ASB13: variants seen among roughly 807,000 people sequenced by gnomAD.
ASB13 encodes the protein ankyrin repeat and SOCS box containing 13.
Under a neutral mutation model 28.8 loss-of-function variants are expected in ASB13, and 33 were observed. That is an observed-to-expected ratio of 1.15 (90% CI 0.87 to 1.53). The LOEUF (loss-of-function observed/expected upper bound fraction) is 1.53. ASB13 is among the 40% of genes most tolerant of loss of function. The pLI, the probability that ASB13 is intolerant of heterozygous loss-of-function variation, is 0.00. For missense variants in ASB13, 414 were observed against 390.1 expected, an observed-to-expected ratio of 1.06 and a Z score of -0.52; for synonymous variants, 182 against 172.9, an observed-to-expected ratio of 1.05 and a Z score of -0.41.
Position 5,664,581 on chromosome 10 carries a change from G to A in ASB13, c.43+1928C>T, listed in dbSNP as rs994510563. On this transcript the variant is annotated intron_variant, in intron 1 of 5. Transcript: ENST00000357700. This position sits in a 1 kb window ranked among gnomAD's most constrained non-coding sequence, Gnocchi z 4.2. The stretch of plus-strand genomic sequence containing the variant: ...CAATTCTACTGGAGGACCCTGGGGG[G>A]AACGTACGGGGGAGTGGGGGAGCAG... Among the ~76,000 whole-genome samples, 5 of 152,124 alleles carry A rather than the reference G, an allele frequency of 3.3e-5. No homozygotes were observed. Among genetic ancestry groups the A allele is most frequent in the Non-Finnish European group, 7.3e-5 (5 of 68,030 alleles).
Position 5,642,504 on chromosome 10 carries a change from A to T in ASB13, c.518-543T>A, listed in dbSNP as rs1046172779. 8.2e-7 allele frequency: 1 copy of T among 1,223,578 alleles called. No individual in the cohort carries two copies. The highest frequency in any genetic ancestry group is 1.0e-6 in the Non-Finnish European group (1 of 966,078). 75.8% of individuals were successfully genotyped at this position (1,223,578 alleles called of 1,614,324 possible). A position where few individuals can be genotyped will look rare whatever the true frequency, so the allele number is the denominator to read the frequency against. On this transcript the variant is annotated intron_variant, in intron 4 of 5. Coordinates refer to ENST00000357700, the MANE Select transcript of ASB13 (RefSeq NM_024701.4). The surrounding 1 kb of genome is among the most constrained non-coding windows in gnomAD (Gnocchi z 4.1). ...CAGTAGGCAATTCAGAGAAGAGAGT[A>T]AGCTCTGCACTCCTCAACTTTCTCA...
At position 5,641,792 on chromosome 10, in the gene ASB13, G is replaced by T; in HGVS notation, c.687C>A (p.Ala229=). 1 of 1,603,354 alleles carries T rather than the reference G, an allele frequency of 6.2e-7. No homozygotes were observed. Among genetic ancestry groups the T allele is most frequent in the South Asian group, 1.1e-5 (1 of 89,234 alleles). Residue 229 remains alanine, a synonymous_variant, in exon 5 of 6, where the codon GCC becomes GCA. Transcript: ENST00000357700. This position sits in a 1 kb window ranked among gnomAD's most constrained non-coding sequence, Gnocchi z 8.4. ...SDYTWSSSAP[A]KCFEYYEKTP... ...CACTTTCGTAGTACTCGAAGCACTT[G>T]GCGGGAGCGCTGCTGCTCCACGTGT...
intron 4 of ASB13, among the ~76,000 whole-genome samples, chr10:5,647,575 C>T (rs978634798): frequency 2.6e-5 from 4 of 152,190 alleles, no homozygotes; most frequent in Non-Finnish European, 5.9e-5. Context: ...ATCCCCTTCT[C>T]TCTTGGATTC....
At position 5,641,806 on chromosome 10, in the gene ASB13, T is replaced by G; in HGVS notation, c.673A>C (p.Ser225Arg). 1 of 1,610,158 alleles carries G rather than the reference T, an allele frequency of 6.2e-7. No homozygotes were observed. Residue 225 changes from serine (S) to arginine (R), a missense_variant, in exon 5 of 6, where the codon AGC becomes CGC. Coordinates refer to ENST00000357700, the MANE Select transcript of ASB13 (RefSeq NM_024701.4). This position sits in a 1 kb window ranked among gnomAD's most constrained non-coding sequence, Gnocchi z 8.4. The part of the protein sequence containing the change: ...GKKPSDYTWS[S>R]SAPAKCFEYY... The stretch of plus-strand genomic sequence containing the variant: ...TCGAAGCACTTGGCGGGAGCGCTGC[T>G]GCTCCACGTGTAGTCAGACGGCTTC...
Position 5,641,984 on chromosome 10 carries a change from A to T in ASB13, c.518-23T>A. The T allele has an allele frequency of 3.2e-6, 5 of 1,586,170 alleles. No individual in the cohort carries two copies. The highest frequency in any genetic ancestry group is 4.3e-6 in the Non-Finnish European group (5 of 1,157,382). ...CCCCTGGAGGTCAAGAGTGCAGAAG[A>T]GATTTCACCAAGAAGAGAACTTGAA... On this transcript the variant is annotated intron_variant, in intron 4 of 5. Coordinates refer to ENST00000357700, the MANE Select transcript of ASB13 (RefSeq NM_024701.4). The surrounding 1 kb of genome is among the most constrained non-coding windows in gnomAD (Gnocchi z 8.4).
At chr10:5,648,613 CG>C (rs1444451631) in intron 4 of ASB13, among the ~76,000 whole-genome samples, 1 of 151,158 alleles carries the variant, frequency 6.6e-6, no homozygotes, top group Non-Finnish European at 1.5e-5. Context: ...TAAACACCCA[CG>C]GGGGTAAACA....
rs951721507 is a variant in ASB13 at position 5,641,264 on chromosome 10, C to T, written c.710-434G>A. ...TTACAGGCACCCACCACCATGCCCG[C>T]CTAATTTTTATATTTTTAGTAGAGA... On this transcript the variant is annotated intron_variant, in intron 5 of 5. Coordinates refer to ENST00000357700, the MANE Select transcript of ASB13 (RefSeq NM_024701.4). The surrounding 1 kb of genome is among the most constrained non-coding windows in gnomAD (Gnocchi z 8.4). Among the ~76,000 whole-genome samples, 3 of 151,956 alleles carry T rather than the reference C, an allele frequency of 2.0e-5. No individual in the cohort carries two copies. Among genetic ancestry groups the T allele is most frequent in the Non-Finnish European group, 4.4e-5 (3 of 68,002 alleles).
chr10:5,641,269 T>C lies in ASB13; in HGVS notation c.710-439A>G, dbSNP rs1005719840. Among the ~76,000 whole-genome samples, 1 of 151,964 alleles carries C rather than the reference T, an allele frequency of 6.6e-6. No homozygotes were observed. Among genetic ancestry groups the C allele is most frequent in the East Asian group, 1.9e-4 (1 of 5,184 alleles). On this transcript the variant is annotated intron_variant, in intron 5 of 5. Coordinates refer to ENST00000357700, the MANE Select transcript of ASB13 (RefSeq NM_024701.4). The surrounding 1 kb of genome is among the most constrained non-coding windows in gnomAD (Gnocchi z 8.4). ...GGCACCCACCACCATGCCCGCCTAA[T>C]TTTTATATTTTTAGTAGAGATGGGG... is the stretch of plus-strand genomic sequence containing the variant.
chr10:5,648,275 C>T (rs1377134419), intron 4 of ASB13, among the ~76,000 whole-genome samples: 1 of 151,132 alleles, frequency 6.6e-6, no homozygotes, highest in Non-Finnish European at 1.5e-5. Context: ...AGGTAAACAC[C>T]CACGTGGGCA....
At chr10:5,654,566 G>A (rs187894592) in intron 1 of ASB13, among the ~76,000 whole-genome samples, 5 of 152,268 alleles carry the variant, frequency 3.3e-5, no homozygotes, top group South Asian at 2.1e-4. Context: ...AACCACGCAC[G>A]TGTTTTCTCA....
chr10:5,651,172 C>A lies in ASB13; in HGVS notation c.382+41G>T, dbSNP rs1834977303. 2 of 1,559,066 alleles carry A rather than the reference C, an allele frequency of 1.3e-6. No homozygotes were observed. The highest frequency in any genetic ancestry group is 1.7e-6 in the Non-Finnish European group (2 of 1,152,780). ...TTTAATCCCAGAAAGGAGGAAACTT[C>A]CAGAGCCCAGCTGGGCCAGCCCAGC... On this transcript the variant is annotated intron_variant, in intron 3 of 5. Coordinates refer to ENST00000357700, the MANE Select transcript of ASB13 (RefSeq NM_024701.4). The surrounding 1 kb of genome is among the most constrained non-coding windows in gnomAD (Gnocchi z 5.1).
Position 5,662,576 on chromosome 10 carries a change from G to C in ASB13, c.43+3933C>G, listed in dbSNP as rs1468773468. 1.2e-3 allele frequency among the ~76,000 whole-genome samples: 103 copies of C among 84,662 alleles called. 1 individual carries two copies. Among genetic ancestry groups the C allele is most frequent in the Admixed American group, 1.7e-3 (13 of 7,876 alleles). The allele number at this position is 84,662 out of a possible 152,430, so 55.5% of individuals were successfully genotyped here. ...GAGGGGAGGGGAGGGGAGAAGAGAA[G>C]AGAAGAGAAGAGAAGAGAAGAGAAG... On this transcript the variant is annotated intron_variant, in intron 1 of 5. Transcript: ENST00000357700.
At position 5,664,203 on chromosome 10, in the gene ASB13, A is replaced by G. The variant is rs1247466022; in HGVS notation, c.43+2306T>C. Among the ~76,000 whole-genome samples, 1 of 152,054 alleles carries G rather than the reference A, an allele frequency of 6.6e-6. No homozygotes were observed. The highest frequency in any genetic ancestry group is 1.5e-5 in the Non-Finnish European group (1 of 68,006). On this transcript the variant is annotated intron_variant, in intron 1 of 5. Coordinates refer to ENST00000357700, the MANE Select transcript of ASB13 (RefSeq NM_024701.4). The surrounding 1 kb of genome is among the most constrained non-coding windows in gnomAD (Gnocchi z 4.2). Reference sequence around the variant, plus strand: ...CGCAAAGGGATGCGCAAATCCCCATAAACAACAGGAAGACACCCCTGCCCC... The same window carrying G: ...CGCAAAGGGATGCGCAAATCCCCATGAACAACAGGAAGACACCCCTGCCCC...
rs1223099059 is a variant in ASB13, at chr10:5,663,818, C to G, written c.43+2691G>C. On this transcript the variant is annotated intron_variant, in intron 1 of 5. Transcript: ENST00000357700. This position sits in a 1 kb window ranked among gnomAD's most constrained non-coding sequence, Gnocchi z 4.9. Reference sequence around the variant, plus strand: ...CCTATTTTAGGATAAAATAGCCGCCCACTCCAAGTAACTCTCTACCCTTTA... The same window carrying G: ...CCTATTTTAGGATAAAATAGCCGCCGACTCCAAGTAACTCTCTACCCTTTA... Among the ~76,000 whole-genome samples the G allele has an allele frequency of 6.6e-6, 1 of 152,086 alleles. No homozygotes were observed. Among genetic ancestry groups the G allele is most frequent in the Non-Finnish European group, 1.5e-5 (1 of 68,018 alleles).
Position 5,641,734 on chromosome 10 carries a change from T to C in ASB13, c.709+36A>G, listed in dbSNP as rs374399053. ...CACGTCAGGGGTCCAGGCTGAAGGC[T>C]GGAGGGGATGGGGTGCGCTCGGTGG... is the stretch of plus-strand genomic sequence containing the variant. On this transcript the variant is annotated intron_variant, in intron 5 of 5. Coordinates refer to ENST00000357700, the MANE Select transcript of ASB13 (RefSeq NM_024701.4). The surrounding 1 kb of genome is among the most constrained non-coding windows in gnomAD (Gnocchi z 8.4). 1.3e-6 allele frequency: 2 copies of C among 1,537,012 alleles called. No individual in the cohort carries two copies. The highest frequency in any genetic ancestry group is 1.8e-6 in the Non-Finnish European group (2 of 1,135,386).
chr10:5,666,469 G>T (rs1472460004), intron 1 of ASB13, 40 bp downstream of exon 1: 4 of 1,280,118 alleles, frequency 3.1e-6, no homozygotes. Flanking sequence ...AGGAGCCGGC[G>T]CCGCTGCCTC....
At chr10:5,665,648 C>G (rs969891636) in intron 1 of ASB13, among the ~76,000 whole-genome samples, 1 of 152,150 alleles carries the variant, frequency 6.6e-6, no homozygotes, top group Non-Finnish European at 1.5e-5. Context: ...TATTAGATAC[C>G]TTTGATCATG....
In ASB13 at chr10:5,641,833, T is replaced by C; in HGVS notation, c.646A>G (p.Lys216Glu). The change falls in exon 5 of 6, where the codon AAG becomes GAG. Residue 216 changes from lysine (K) to glutamate (E), a missense_variant. Coordinates refer to ENST00000357700, the MANE Select transcript of ASB13 (RefSeq NM_024701.4). The surrounding 1 kb of genome is among the most constrained non-coding windows in gnomAD (Gnocchi z 8.4). ...CTCCACGTGTAGTCAGACGGCTTCTTCCCGCGGTTGTCCCGGGCGTAGATG... is the reference window on the plus strand; with the variant it reads ...CTCCACGTGTAGTCAGACGGCTTCTCCCCGCGGTTGTCCCGGGCGTAGATG... Reference protein sequence around the residue: ...GNIYARDNRGKKPSDYTWSSS... With the variant: ...GNIYARDNRGEKPSDYTWSSS... The C allele has an allele frequency of 1.2e-6, 2 of 1,613,242 alleles. No individual in the cohort carries two copies. Among genetic ancestry groups the C allele is most frequent in the Non-Finnish European group, 1.7e-6 (2 of 1,179,732 alleles).
At chr10:5,666,382 A>T in intron 1 of ASB13, 127 bp downstream of exon 1, 2 of 794,596 alleles carry the variant, frequency 2.5e-6, no homozygotes, top group Non-Finnish European at 3.3e-6. Flanking sequence ...ACCCCGCCAA[A>T]CGCCCCCGCC....
Sources: allele counts gnomAD v4.1 joint callset (sites outside exome capture counted in the v4.1 genomes callset), GRCh38; gene constraint gnomAD v4.1.1; non-coding constraint Gnocchi (gnomAD v3.1); transcripts MANE v1.5; gene names NCBI Gene and HGNC (gene_info 2026-07-23, HGNC 2026-07-21).